NTNG1: variants seen among roughly 807,000 people sequenced by gnomAD.
The protein encoded by NTNG1 is netrin G1, also known as netrin-G1.
In NTNG1, 16 loss-of-function variants were observed where a neutral mutation model predicts 54.0. The observed-to-expected ratio is 0.30, with a 90% CI of 0.20 to 0.45. The LOEUF (loss-of-function observed/expected upper bound fraction) is 0.45. NTNG1 is among the 20% of genes least tolerant of loss of function. The pLI is 1.00. For missense variants in NTNG1, 530 were observed against 678.7 expected (o/e 0.78, Z 2.43); for synonymous variants, 255 against 263.1 (o/e 0.97, Z 0.30).
intron 3 of NTNG1, among the ~76,000 whole-genome samples, chr1:107,377,197 G>A (rs1420404475): frequency 6.6e-6 from 1 of 152,190 alleles, no homozygotes; most frequent in Non-Finnish European, 1.5e-5. Context: ...GGGGAGCACT[G>A]AATACTAAAC....
chr1:107,403,938 T>C (rs1673228439), intron 4 of NTNG1, among the ~76,000 whole-genome samples: 1 of 151,972 alleles, frequency 6.6e-6, no homozygotes, highest in African/African-American at 2.4e-5. Flanking sequence ...AATTAACTTA[T>C]CTAGTATCTT....
intron 2 of NTNG1, among the ~76,000 whole-genome samples, chr1:107,159,262 A>C (rs1052256453): frequency 3.3e-5 from 5 of 152,198 alleles, no homozygotes; most frequent in Non-Finnish European, 4.4e-5. Flanking sequence ...ATGAGGTGTT[A>C]GGGAGCATAC....
At chr1:107,259,326 T>C (rs1663142216) in intron 2 of NTNG1, among the ~76,000 whole-genome samples, 1 of 152,026 alleles carries the variant, frequency 6.6e-6, no homozygotes, top group Admixed American at 6.6e-5. Context: ...AGCAAGTGTG[T>C]TCATTGGAAA....
At chr1:107,245,538 T>G (rs1349092176) in intron 2 of NTNG1, among the ~76,000 whole-genome samples, 1 of 152,258 alleles carries the variant, frequency 6.6e-6, no homozygotes, top group Non-Finnish European at 1.5e-5. Flanking sequence ...TCTCCATTTA[T>G]GTATATTTCT....
rs188752496 is a variant in NTNG1, at chr1:107,196,218, G to A, written c.246+47379G>A. 5.9e-5 allele frequency among the ~76,000 whole-genome samples: 9 copies of A among 152,040 alleles called. No homozygotes were observed. In the East Asian group the frequency reaches 1.2e-3, roughly 20 times the overall value. On this transcript the variant is annotated intron_variant, in intron 2 of 7. Coordinates refer to ENST00000370068, the MANE Select transcript of NTNG1 (RefSeq NM_001113226.3). ...AAATTTGGCTTTGGTGGGAGTGGGG[G>A]CAGATGGACTTATGTTTAAACATAC...
At chr1:107,401,223 G>A (rs947802318) in intron 4 of NTNG1, among the ~76,000 whole-genome samples, 4 of 152,040 alleles carry the variant, frequency 2.6e-5, no homozygotes, top group Admixed American at 6.6e-5. Context: ...AGGCCTCCCC[G>A]AGGGTTATTT....
intron 7 of NTNG1, among the ~76,000 whole-genome samples, chr1:107,451,615 A>T: frequency 6.6e-6 from 1 of 152,120 alleles, no homozygotes; most frequent in South Asian, 2.1e-4. Context: ...TTTGACATGA[A>T]TGTATTAGTC....
intron 2 of NTNG1, among the ~76,000 whole-genome samples, chr1:107,322,358 C>T (rs1667707282): frequency 6.6e-6 from 1 of 152,078 alleles, no homozygotes; most frequent in South Asian, 2.1e-4. Context: ...AGGAAGATGG[C>T]AGCATCCAAG....
In NTNG1 at chr1:107,480,627, C is replaced by A; in HGVS notation, c.1407C>A (p.Asn469Lys). ...ATTCTGCAGCGAATGTCTGCGACAA[C>A]GAGCTCCTGCACTGCCAGAACGGAG... The part of the protein sequence containing the change: ...HYGCQPNVCD[N>K]ELLHCQNGGT... Residue 469 changes from asparagine to lysine, a missense_variant, in exon 8 of 8, where the codon AAC becomes AAA. By Grantham distance (94) the Asn-to-Lys change is moderately conservative. Transcript: ENST00000370068. 3.1e-6 allele frequency: 4 copies of A among 1,286,300 alleles called. No homozygotes were observed. The highest frequency in any genetic ancestry group is 1.2e-5 in the South Asian group (1 of 82,272). 79.7% of individuals were successfully genotyped at this position (1,286,300 alleles called of 1,614,324 possible).
chr1:107,458,709 C>G (rs1318764262), intron 7 of NTNG1, among the ~76,000 whole-genome samples: 1 of 152,122 alleles, frequency 6.6e-6, no homozygotes, highest in African/African-American at 2.4e-5. Context: ...CATGTAATGT[C>G]TTACCATTAA....
intron 2 of NTNG1, among the ~76,000 whole-genome samples, chr1:107,315,046 G>A (rs540170196): frequency 2.0e-4 from 30 of 152,122 alleles, no homozygotes; most frequent in South Asian, 8.3e-4. Context: ...ACTCTTGCTC[G>A]CTCCACAACT....
At chr1:107,250,070 T>C (rs1662489632) in intron 2 of NTNG1, among the ~76,000 whole-genome samples, 1 of 152,206 alleles carries the variant, frequency 6.6e-6, no homozygotes, top group African/African-American at 2.4e-5. Flanking sequence ...TACCTACATT[T>C]ACCTACAGTC....
At chr1:107,193,953 C>G (rs1424740748) in intron 2 of NTNG1, among the ~76,000 whole-genome samples, 3 of 151,988 alleles carry the variant, frequency 2.0e-5, no homozygotes, top group Non-Finnish European at 2.9e-5. Flanking sequence ...AATCCAGACT[C>G]CTTAACCCTT....
chr1:107,442,618 T>C (rs1226113818), intron 7 of NTNG1, among the ~76,000 whole-genome samples: 1 of 137,594 alleles, frequency 7.3e-6, no homozygotes, highest in Non-Finnish European at 1.6e-5. Context: ...AGCTCAATTT[T>C]AGACAGTATA....
chr1:107,390,409 C>A (rs1024930500), intron 3 of NTNG1, among the ~76,000 whole-genome samples: 1 of 152,192 alleles, frequency 6.6e-6, no homozygotes, highest in Non-Finnish European at 1.5e-5. Flanking sequence ...GAGCTGTGTT[C>A]TTTTCCTAGG....
intron 2 of NTNG1, among the ~76,000 whole-genome samples, chr1:107,274,314 A>G (rs1008571369): frequency 4.6e-5 from 7 of 152,230 alleles, no homozygotes; most frequent in Non-Finnish European, 8.8e-5. Context: ...GGGAAATGAA[A>G]TCGCTAGGAA....
chr1:107,150,200 A>G (rs1654454292), intron 2 of NTNG1, among the ~76,000 whole-genome samples: 1 of 152,190 alleles, frequency 6.6e-6, no homozygotes, highest in Admixed American at 6.5e-5. Context: ...TATTTCAAAG[A>G]GAGGACCCGT....
chr1:107,377,959 G>A (rs1671404016), intron 3 of NTNG1, among the ~76,000 whole-genome samples: 1 of 152,236 alleles, frequency 6.6e-6, no homozygotes, highest in Non-Finnish European at 1.5e-5. Flanking sequence ...GTGATTTTCA[G>A]AACTAAGGTA....
At chr1:107,373,937 A>T (rs1225376963) in intron 3 of NTNG1, among the ~76,000 whole-genome samples, 2 of 152,168 alleles carry the variant, frequency 1.3e-5, no homozygotes, top group African/African-American at 2.4e-5. Flanking sequence ...CCTGGCTTCA[A>T]GAAATCCTCC....
Sources: allele counts gnomAD v4.1 joint callset (sites outside exome capture counted in the v4.1 genomes callset), GRCh38; gene constraint gnomAD v4.1.1; transcripts MANE v1.5; gene names NCBI Gene and HGNC (gene_info 2026-07-23, HGNC 2026-07-21).